The following SNTG2 variants were observed in gnomAD, a reference collection of about 807,000 sequenced individuals.
SNTG2 encodes the protein syntrophin gamma 2, also known as gamma-2-syntrophin.
In SNTG2, 74 loss-of-function variants were observed where a neutral mutation model predicts 70.9. The observed-to-expected ratio is 1.04, with a 90% confidence interval of 0.86 to 1.27. The LOEUF (loss-of-function observed/expected upper bound fraction) is 1.27. Among genes scored for constraint, SNTG2 ranks in the 50% most tolerant of loss-of-function variants. SNTG2 has a pLI of 0.00. For missense variants in SNTG2, 717 were observed against 690.7 expected (o/e 1.04, Z -0.43); for synonymous variants, 278 against 273.8 (o/e 1.02, Z -0.15).
At chr2:1,197,445 C>A (rs1572702048) in intron 8 of SNTG2, among the ~76,000 whole-genome samples, 3 of 114,648 alleles carry the variant, frequency 2.6e-5, no homozygotes, top group South Asian at 5.9e-4. Context: ...TACACATGCA[C>A]CCAATTTCAG....
At chr2:1,156,348 G>C (rs1251084962) in intron 6 of SNTG2, among the ~76,000 whole-genome samples, 1 of 152,142 alleles carries the variant, frequency 6.6e-6, no homozygotes, top group African/African-American at 2.4e-5. Flanking sequence ...GACACGGCAA[G>C]TCGGCAGATC....
chr2:984,364 C>T (rs981581010), intron 1 of SNTG2, among the ~76,000 whole-genome samples: 10 of 150,894 alleles, frequency 6.6e-5, no homozygotes, highest in African/African-American at 2.2e-4. Flanking sequence ...ATGGGAAGTG[C>T]GTGTTTCTTC....
At chr2:1,066,816 CTT>C (rs755261021) in intron 1 of SNTG2, among the ~76,000 whole-genome samples, 35 of 152,124 alleles carry the variant, frequency 2.3e-4, no homozygotes, top group Non-Finnish European at 3.8e-4. Flanking sequence ...GAACGGTCGT[CTT>C]TGAGTTCTTC....
chr2:1,260,272 G>A (rs931870123), intron 13 of SNTG2, among the ~76,000 whole-genome samples: 1 of 152,098 alleles, frequency 6.6e-6, no homozygotes, highest in African/African-American at 2.4e-5. Flanking sequence ...ATCTGTAGTT[G>A]CTTTATTTTA....
At chr2:1,112,648 A>C (rs1666570089) in intron 4 of SNTG2, among the ~76,000 whole-genome samples, 1 of 150,624 alleles carries the variant, frequency 6.6e-6, no homozygotes, top group Non-Finnish European at 1.5e-5. Context: ...CATGTGTACT[A>C]AGTGAGGGTT....
At chr2:1,004,572 T>A (rs1056193139) in intron 1 of SNTG2, among the ~76,000 whole-genome samples, 2 of 152,210 alleles carry the variant, frequency 1.3e-5, no homozygotes, top group Non-Finnish European at 2.9e-5. Context: ...ATGCTCAATG[T>A]CACATGTCAG....
At chr2:1,209,041 C>A (rs1266862264) in intron 8 of SNTG2, 62 bp from the exon 9 acceptor site, 2 of 1,590,760 alleles carry the variant, frequency 1.3e-6, no homozygotes, top group Non-Finnish European at 1.7e-6. Context: ...CCTGCAGATG[C>A]CTCTCCCCGC....
intron 13 of SNTG2, among the ~76,000 whole-genome samples, chr2:1,260,066 C>CT (rs1357437435): frequency 2.6e-5 from 4 of 152,216 alleles, no homozygotes; most frequent in African/African-American, 9.6e-5. Context: ...CCACCTGTGT[C>CT]TTTTTCATGT....
At chr2:1,304,501 T>C (rs1257743067) in intron 14 of SNTG2, among the ~76,000 whole-genome samples, 2 of 152,000 alleles carry the variant, frequency 1.3e-5, no homozygotes, top group East Asian at 3.9e-4. Context: ...CCAAGGCGGG[T>C]GGATCACTGC....
chr2:1,061,160 C>T (rs1254559682), intron 1 of SNTG2, among the ~76,000 whole-genome samples: 1 of 152,122 alleles, frequency 6.6e-6, no homozygotes, highest in African/African-American at 2.4e-5. Flanking sequence ...CAGCATAGAG[C>T]CGCGTGATCC....
At chr2:997,513 T>C (rs527570557) in intron 1 of SNTG2, among the ~76,000 whole-genome samples, 1 of 152,346 alleles carries the variant, frequency 6.6e-6, no homozygotes, top group African/African-American at 2.4e-5. Flanking sequence ...CTGATCTTCA[T>C]TAAAGACTTC....
chr2:1,169,909 G>A (rs912702022), intron 7 of SNTG2, among the ~76,000 whole-genome samples: 3 of 152,148 alleles, frequency 2.0e-5, no homozygotes, highest in Non-Finnish European at 2.9e-5. Flanking sequence ...AGTGAAAAAT[G>A]TTAAAATCTT....
chr2:1,300,668 G>A (rs1448692050), intron 14 of SNTG2, among the ~76,000 whole-genome samples: 7 of 152,182 alleles, frequency 4.6e-5, no homozygotes, highest in African/African-American at 9.6e-5. Context: ...GAACAGAATC[G>A]CTTCTTTAAC....
chr2:1,009,594 T>C (rs1319260204), intron 1 of SNTG2, among the ~76,000 whole-genome samples: 1 of 129,552 alleles, frequency 7.7e-6, no homozygotes, highest in Non-Finnish European at 1.6e-5. Flanking sequence ...GCCACACCCA[T>C]GTCCCCAGGA....
intron 1 of SNTG2, among the ~76,000 whole-genome samples, chr2:971,759 T>C (rs929995246): frequency 6.6e-5 from 10 of 151,902 alleles, no homozygotes; most frequent in Admixed American, 4.6e-4. Context: ...AGGTTGTTAA[T>C]TGGAGGTCTT....
chr2:1,139,892 A>G (rs1357762408), intron 6 of SNTG2, among the ~76,000 whole-genome samples: 1 of 152,076 alleles, frequency 6.6e-6, no homozygotes, highest in Non-Finnish European at 1.5e-5. Flanking sequence ...TGGAGCTATT[A>G]CAATATTGGA....
At chr2:1,270,408 G>T (rs1678959021) in intron 14 of SNTG2, among the ~76,000 whole-genome samples, 1 of 152,162 alleles carries the variant, frequency 6.6e-6, no homozygotes, top group Non-Finnish European at 1.5e-5. Context: ...TACTAGGCTG[G>T]ATGCATTGCA....
At chr2:1,323,172 A>G (rs920585703) in intron 16 of SNTG2, among the ~76,000 whole-genome samples, 1 of 152,230 alleles carries the variant, frequency 6.6e-6, no homozygotes, top group Non-Finnish European at 1.5e-5. Context: ...GGAAGTGGAA[A>G]GGAGGTGGGT....
intron 1 of SNTG2, among the ~76,000 whole-genome samples, chr2:1,024,487 G>A (rs941224796): frequency 8.6e-5 from 13 of 151,986 alleles, no homozygotes; most frequent in African/African-American, 1.4e-4. Flanking sequence ...CTCCTGCTTC[G>A]GCTTCCTGAG....
Sources: gnomAD v4.1 joint callset for allele counts (sites outside exome capture counted in the v4.1 genomes callset) on GRCh38, gnomAD v4.1.1 for gene constraint, MANE v1.5 for transcripts, NCBI Gene and HGNC (gene_info 2026-07-23, HGNC 2026-07-21) for gene names.